Variants in LACTB2 observed in about 807,000 individuals in gnomAD.
The protein encoded by LACTB2 is endoribonuclease LACTB2.
LACTB2 carries 32 observed loss-of-function variants against 34.8 expected under a neutral mutation model. The observed-to-expected ratio is 0.92, with a 90% CI of 0.69 to 1.24. LACTB2 has a LOEUF of 1.24. Ranked by LOEUF, LACTB2 falls within the 50% of genes most tolerant of loss-of-function variation. LACTB2 has a pLI of 0.00. For synonymous variants in LACTB2, 120 were observed against 117.5 expected, an observed-to-expected ratio of 1.02 and a Z score of -0.14; for missense variants, 320 against 345.0, an observed-to-expected ratio of 0.93 and a Z score of 0.57.
intron 2 of LACTB2, chr8:70,660,489 TGTA>T: frequency 2.6e-6 from 1 of 391,506 alleles, no homozygotes; most frequent in South Asian, 1.9e-5. Context: ...ATGTCCCAAT[TGTA>T]GTCACAAGGC....
At position 70,643,208 on chromosome 8, in the gene LACTB2, C is replaced by CT. The variant is rs66482767; in HGVS notation, c.592+856dup. ...AGACAGGACTTAGGGGTGTATTTTC[C>CT]TTTTTTTTTTTTTTTTTTTTTTTTT... On this transcript the variant is annotated intron_variant, in intron 4 of 6. Transcript: ENST00000276590. 2.4e-3 allele frequency among the ~76,000 whole-genome samples: 182 copies of CT among 76,176 alleles called. 7 individuals carry two copies. Among genetic ancestry groups the CT allele is most frequent in the Non-Finnish European group, 3.9e-3 (156 of 40,110 alleles). 50.0% of individuals were successfully genotyped at this position (76,176 alleles called of 152,430 possible).
At position 70,668,997 on chromosome 8, in the gene LACTB2, A is replaced by C. The variant is rs780249377; in HGVS notation, c.122+2T>G. 3 of 1,582,742 alleles carry C rather than the reference A, an allele frequency of 1.9e-6. No individual in the cohort carries two copies. In the African/African-American group the frequency reaches 4.0e-5, roughly 21 times the overall value. On this transcript the variant is annotated splice_donor_variant, in intron 1 of 6. Transcript: ENST00000276590. LOFTEE classifies it high-confidence loss of function. Reference sequence around the variant, plus strand: ...TTGGGGAGGTTGGAGAGGGACGTTTACCTGGGGCCGGTCCCCACTAGGTAG... The same window carrying C: ...TTGGGGAGGTTGGAGAGGGACGTTTCCCTGGGGCCGGTCCCCACTAGGTAG...
intron 1 of LACTB2, among the ~76,000 whole-genome samples, chr8:70,668,587 T>C (rs1818568905): frequency 6.6e-6 from 1 of 152,122 alleles, no homozygotes; most frequent in East Asian, 1.9e-4. Context: ...TTAATCGCTT[T>C]TGAGAAGGGA....
chr8:70,668,379 G>A (rs998935353), intron 1 of LACTB2, among the ~76,000 whole-genome samples: 54 of 152,252 alleles, frequency 3.5e-4, no homozygotes, highest in African/African-American at 1.2e-3. Flanking sequence ...AAGAGCAAAA[G>A]TATCTTCTTA....
intron 2 of LACTB2, among the ~76,000 whole-genome samples, chr8:70,659,778 G>A (rs964170032): frequency 1.3e-5 from 2 of 152,142 alleles, no homozygotes; most frequent in African/African-American, 4.8e-5. Context: ...TCAAAATTAT[G>A]TGCAAATATA....
chr8:70,638,833 A>G (rs1435308701), intron 5 of LACTB2, among the ~76,000 whole-genome samples: 4 of 150,552 alleles, frequency 2.7e-5, no homozygotes, highest in African/African-American at 9.8e-5. Context: ...TCCGCCTCCC[A>G]GGTTCAAGCA....
At position 70,669,137 on chromosome 8, in the gene LACTB2, C is replaced by T. The variant is rs756656017; in HGVS notation, c.-17G>A. On this transcript the variant is annotated 5_prime_UTR_variant, in exon 1 of 7. Transcript: ENST00000276590. ...AGCAGCCATTCCCGCCTCAGCCGCCCGCCGGCGTGTCGCCTATCTGGATAC... is the reference window on the plus strand; with the variant it reads ...AGCAGCCATTCCCGCCTCAGCCGCCTGCCGGCGTGTCGCCTATCTGGATAC... 1.3e-5 allele frequency: 21 copies of T among 1,611,434 alleles called. No individual in the cohort carries two copies. Among genetic ancestry groups the T allele is most frequent in the Non-Finnish European group, 1.8e-5 (21 of 1,178,990 alleles).
intron 3 of LACTB2, chr8:70,646,468 C>T (rs555546769): frequency 6.6e-6 from 1 of 152,300 alleles, no homozygotes; most frequent in South Asian, 2.1e-4. Context: ...CACTGGCCAT[C>T]AGAGAAACGC....
rs771960820 is a variant in LACTB2, at chr8:70,669,053, G to A, written c.68C>T (p.Pro23Leu). 27 of 1,611,796 alleles carry A rather than the reference G, an allele frequency of 1.7e-5. No homozygotes were observed. The highest frequency in any genetic ancestry group is 2.7e-5 in the African/African-American group (2 of 74,916). The change falls in exon 1 of 7, where the codon CCG becomes CTG. Residue 23 changes from proline (P) to leucine (L), a missense_variant. Transcript: ENST00000276590. ...GGTGCCTTGGAGGGTCATGGGACCC[G>A]GGTTACAGCCCAACACACGCACGAC... is the stretch of plus-strand genomic sequence containing the variant. ...NRVVRVLGCN[P>L]GPMTLQGTNT...
chr8:70,665,420 G>A (rs952141416), intron 1 of LACTB2, among the ~76,000 whole-genome samples: 2 of 152,184 alleles, frequency 1.3e-5, no homozygotes, highest in Non-Finnish European at 2.9e-5. Flanking sequence ...GGTATTTCAT[G>A]TCAATATTAA....
intron 1 of LACTB2, among the ~76,000 whole-genome samples, chr8:70,667,257 C>CAGAAAA (rs1818542105): frequency 6.6e-6 from 1 of 152,120 alleles, no homozygotes; most frequent in African/African-American, 2.4e-5. Flanking sequence ...AAGATGAGAA[C>CAGAAAA]AGAAAAATAC....
intron 3 of LACTB2, among the ~76,000 whole-genome samples, chr8:70,651,008 G>A (rs1031319437): frequency 1.3e-5 from 2 of 151,856 alleles, no homozygotes; most frequent in Non-Finnish European, 2.9e-5. Context: ...ACAGTGAAAA[G>A]ACATTTGATA....
At chr8:70,659,273 C>G (rs1002111190) in intron 2 of LACTB2, among the ~76,000 whole-genome samples, 1 of 151,532 alleles carries the variant, frequency 6.6e-6, no homozygotes, top group East Asian at 2.0e-4. Context: ...ATCAATATGG[C>G]GGCTGTGGGT....
chr8:70,666,928 A>G (rs1818538145), intron 1 of LACTB2, among the ~76,000 whole-genome samples: 1 of 152,174 alleles, frequency 6.6e-6, no homozygotes, highest in African/African-American at 2.4e-5. Context: ...AATAGATTTA[A>G]AAGTTGGCTA....
At position 70,649,149 on chromosome 8, in the gene LACTB2, CTGGAGATGGGTTCCCCT is replaced by C. The variant is rs1818305268; in HGVS notation, c.414-4923_414-4907del. On this transcript the variant is annotated intron_variant, in intron 3 of 6. Coordinates refer to ENST00000276590, the MANE Select transcript of LACTB2 (RefSeq NM_016027.3). ...AAATTCACCATTTCTCAGAAAGCTA[CTGGAGATGGGTTCCCCT>C]AAAACAGAGGGGGTTTTAAGAAACT... Among the ~76,000 whole-genome samples, 13 of 152,140 alleles carry C rather than the reference CTGGAGATGGGTTCCCCT, an allele frequency of 8.5e-5. 1 individual carries two copies. The highest frequency in any genetic ancestry group is 8.5e-4 in the Admixed American group (13 of 15,276).
chr8:70,638,346 T>A (rs888597227), intron 6 of LACTB2, among the ~76,000 whole-genome samples: 1 of 152,148 alleles, frequency 6.6e-6, no homozygotes, highest in South Asian at 2.1e-4. Context: ...CAACTGAGAT[T>A]CTAATTCCCC....
chr8:70,662,026 G>T, intron 1 of LACTB2, 129 bp from the exon 2 acceptor site: 1 of 713,638 alleles, frequency 1.4e-6, no homozygotes, highest in Non-Finnish European at 2.2e-6. Flanking sequence ...ACAAAAACCA[G>T]CTACATCACT....
chr8:70,650,382 A>C (rs1364413106), intron 3 of LACTB2, among the ~76,000 whole-genome samples: 2 of 152,228 alleles, frequency 1.3e-5, no homozygotes, highest in Non-Finnish European at 2.9e-5. Flanking sequence ...GTATTTTCAC[A>C]GGATAATTCT....
chr8:70,665,738 T>C (rs1445242542), intron 1 of LACTB2, among the ~76,000 whole-genome samples: 2 of 152,230 alleles, frequency 1.3e-5, no homozygotes, highest in Non-Finnish European at 2.9e-5. Context: ...GGCTAGTAAA[T>C]GGCACCAGGA....
Sources: allele counts gnomAD v4.1 joint callset (sites outside exome capture counted in the v4.1 genomes callset), GRCh38; gene constraint gnomAD v4.1.1; transcripts MANE v1.5; gene names NCBI Gene and HGNC (gene_info 2026-07-23, HGNC 2026-07-21).